KCNMA1: variants seen among roughly 807,000 people sequenced by gnomAD.
The protein encoded by KCNMA1 is potassium calcium-activated channel subfamily M alpha 1.
In KCNMA1, 29 loss-of-function variants were observed where a neutral mutation model predicts 140.0. The ratio of observed to expected loss-of-function variants is 0.21; its 90% CI spans 0.15 to 0.28. KCNMA1 has a LOEUF of 0.28. Among genes scored for constraint, KCNMA1 ranks in the 10% least tolerant of loss-of-function variants. The pLI, the probability that KCNMA1 is intolerant of heterozygous loss-of-function variation, is 1.00. For missense variants in KCNMA1, 880 were observed against 1,602.2 expected (o/e 0.55, Z 7.70); for synonymous variants, 612 against 611.9 (o/e 1.00, Z 0.00).
chr10:77,429,311 C>T (rs1412386054), intron 1 of KCNMA1, among the ~76,000 whole-genome samples: 3 of 152,124 alleles, frequency 2.0e-5, no homozygotes, highest in East Asian at 3.9e-4. Flanking sequence ...GATGGATAAA[C>T]TTTTTGTTGT....
At chr10:77,054,945 C>T (rs2095493316) in intron 14 of KCNMA1, among the ~76,000 whole-genome samples, 1 of 151,594 alleles carries the variant, frequency 6.6e-6, no homozygotes, top group African/African-American at 2.4e-5. Flanking sequence ...TTCATAGGCT[C>T]TGATTAAAAA....
chr10:77,457,767 G>A (rs1458464968), intron 1 of KCNMA1, among the ~76,000 whole-genome samples: 1 of 151,988 alleles, frequency 6.6e-6, no homozygotes, highest in African/African-American at 2.4e-5. Context: ...AGGCCAATCT[G>A]AGCTGAATTA....
At position 77,086,565 on chromosome 10, in the gene KCNMA1, G is replaced by C; in HGVS notation, c.1363C>G (p.Leu455Val). The change falls in exon 11 of 28, where the codon CTG becomes GTG. Residue 455 changes from leucine (L) to valine (V), a missense_variant. Leu to Val is a conservative substitution (Grantham distance 32). Transcript: ENST00000286628. The stretch of plus-strand genomic sequence containing the variant: ...ACCTGAGTAAAATGTCGTTTGAACA[G>C]AGCTTCAAGCTCCAGGTTGGGGGAG... Reference protein sequence around the residue: ...NISPNLELEALFKRHFTQVEF... With the variant: ...NISPNLELEAVFKRHFTQVEF... The C allele has an allele frequency of 6.2e-7, 1 of 1,613,758 alleles. No homozygotes were observed. Among genetic ancestry groups the C allele is most frequent in the Non-Finnish European group, 8.5e-7 (1 of 1,179,662 alleles).
At chr10:77,239,795 C>T (rs2056771607) in intron 3 of KCNMA1, among the ~76,000 whole-genome samples, 1 of 152,112 alleles carries the variant, frequency 6.6e-6, no homozygotes, top group Non-Finnish European at 1.5e-5. Flanking sequence ...AGTATGCCTC[C>T]GATTTTGTTT....
intron 2 of KCNMA1, among the ~76,000 whole-genome samples, chr10:77,375,772 G>T (rs866640845): frequency 6.6e-6 from 1 of 152,232 alleles, no homozygotes; most frequent in South Asian, 2.1e-4. Flanking sequence ...TTCAGGGGCA[G>T]CCCACCTCCT....
chr10:77,343,812 C>T (rs1043772936), intron 2 of KCNMA1, among the ~76,000 whole-genome samples: 4 of 152,132 alleles, frequency 2.6e-5, no homozygotes, highest in Admixed American at 1.3e-4. Flanking sequence ...TAGGAGAAGG[C>T]CTAGCCAAGA....
chr10:77,034,890 G>A (rs1473864828), intron 15 of KCNMA1, among the ~76,000 whole-genome samples: 1 of 152,104 alleles, frequency 6.6e-6, no homozygotes, highest in Non-Finnish European at 1.5e-5. Context: ...AATGATGAAT[G>A]ACTGACTAAT....
At chr10:77,072,497 C>T (rs946453783) in intron 14 of KCNMA1, among the ~76,000 whole-genome samples, 5 of 152,014 alleles carry the variant, frequency 3.3e-5, no homozygotes, top group East Asian at 1.9e-4. Flanking sequence ...GTCTGTCCAG[C>T]CAGCTCTGAC....
intron 23 of KCNMA1, among the ~76,000 whole-genome samples, chr10:76,940,983 GAGAA>G (rs1242161727): frequency 1.2e-5 from 1 of 82,032 alleles, no homozygotes; most frequent in Non-Finnish European, 2.4e-5. Context: ...GAAAGAAAGA[GAGAA>G]AGAGAGAAAG....
At chr10:77,364,406 G>A (rs967013943) in intron 2 of KCNMA1, among the ~76,000 whole-genome samples, 4 of 151,862 alleles carry the variant, frequency 2.6e-5, no homozygotes, top group African/African-American at 9.7e-5. Flanking sequence ...AGCCAAGATC[G>A]TGCCACTGCA....
At chr10:76,883,833 G>A (rs1479143212), downstream of KCNMA1, among the ~76,000 whole-genome samples, 3 of 151,390 alleles carry the variant, frequency 2.0e-5, no homozygotes, top group African/African-American at 4.9e-5. Context: ...AGAGGAAGGG[G>A]AAGTTTGGAG....
chr10:77,394,542 G>A (rs1414782990), intron 2 of KCNMA1, among the ~76,000 whole-genome samples: 1 of 152,174 alleles, frequency 6.6e-6, no homozygotes, highest in African/African-American at 2.4e-5. Context: ...AAGGAATGAT[G>A]CTGCTACAAA....
At chr10:77,052,633 A>AG (rs1555178391) in intron 14 of KCNMA1, among the ~76,000 whole-genome samples, 5 of 150,922 alleles carry the variant, frequency 3.3e-5, no homozygotes, top group East Asian at 1.9e-4. Context: ...AAAAAAAAAA[A>AG]GGGTACTTAT....
downstream of KCNMA1, among the ~76,000 whole-genome samples, chr10:76,881,521 G>A (rs1488390630): frequency 6.6e-6 from 1 of 152,162 alleles, no homozygotes; most frequent in East Asian, 1.9e-4. Flanking sequence ...TTCAAATGGA[G>A]ACACAGCATC....
At chr10:76,905,987 C>A (rs2047675787) in intron 25 of KCNMA1, among the ~76,000 whole-genome samples, 1 of 152,214 alleles carries the variant, frequency 6.6e-6, no homozygotes, top group Admixed American at 6.5e-5. Flanking sequence ...CGCTTTACAA[C>A]CTTTACCCAT....
chr10:77,373,533 T>C lies in KCNMA1; in HGVS notation c.540+30329A>G, dbSNP rs189509158. ...GCTTCATACCTGGGGCTAAGTATTT[T>C]AATTCTCACATAATGAGATGGGGCT... On this transcript the variant is annotated intron_variant, in intron 2 of 27. Transcript: ENST00000286628. 6.6e-5 allele frequency among the ~76,000 whole-genome samples: 10 copies of C among 152,368 alleles called. No individual in the cohort carries two copies. In the East Asian group the frequency reaches 1.9e-3, roughly 29 times the overall value.
At chr10:77,146,461 G>GGA (rs1222490018) in intron 5 of KCNMA1, among the ~76,000 whole-genome samples, 2 of 152,114 alleles carry the variant, frequency 1.3e-5, no homozygotes, top group African/African-American at 4.8e-5. Flanking sequence ...AGCACTTTGG[G>GGA]AGGCCAAGGC....
At position 76,933,021 on chromosome 10, in the gene KCNMA1, G is replaced by A. The variant is rs550711133; in HGVS notation, c.2902+11752C>T. Reference sequence around the variant, plus strand: ...TTGAGGGCCAGGAGCTATTAGTAAAGGTTAAGGGAATAGTACAGTTTATAT... The same window carrying A: ...TTGAGGGCCAGGAGCTATTAGTAAAAGTTAAGGGAATAGTACAGTTTATAT... On this transcript the variant is annotated intron_variant, in intron 23 of 27. Coordinates refer to ENST00000286628, the MANE Select transcript of KCNMA1 (RefSeq NM_001161352.2). 3.9e-5 allele frequency among the ~76,000 whole-genome samples: 6 copies of A among 152,282 alleles called. 1 individual carries two copies. The highest frequency in any genetic ancestry group is 1.4e-4 in the African/African-American group (6 of 41,554).
intron 29 of KCNMA1, among the ~76,000 whole-genome samples, chr10:76,879,230 G>A (rs529292869): frequency 1.1e-4 from 16 of 152,244 alleles, no homozygotes; most frequent in African/African-American, 2.9e-4. Context: ...CAATGTCGAG[G>A]AGGGCTGTCA....
Sources: allele counts gnomAD v4.1 joint callset (sites outside exome capture counted in the v4.1 genomes callset), GRCh38; gene constraint gnomAD v4.1.1; transcripts MANE v1.5; gene names NCBI Gene and HGNC (gene_info 2026-07-23, HGNC 2026-07-21).